DKK2: variants seen among roughly 807,000 people sequenced by gnomAD.
The protein encoded by DKK2 is dickkopf-related protein 2.
In DKK2, 11 loss-of-function variants were observed where a neutral mutation model predicts 28.1. That is an observed-to-expected ratio of 0.39 (90% confidence interval 0.25 to 0.65). The LOEUF (loss-of-function observed/expected upper bound fraction) is 0.65. Among genes scored for constraint, DKK2 ranks in the 30% least tolerant of loss-of-function variants. DKK2 has a pLI of 0.47. For missense variants in DKK2, 326 were observed against 335.5 expected (o/e 0.97, Z 0.22); for synonymous variants, 135 against 126.5 (o/e 1.07, Z -0.45).
Position 106,957,516 on chromosome 4 carries a change from A to G in DKK2, c.223-31567T>C, listed in dbSNP as rs1458748588. Among the ~76,000 whole-genome samples, 4 of 152,088 alleles carry G rather than the reference A, an allele frequency of 2.6e-5. No homozygotes were observed. In the East Asian group the frequency reaches 7.7e-4, roughly 29 times the overall value. The stretch of plus-strand genomic sequence containing the variant: ...TTGGAACCAACCCAAATGTCCAACA[A>G]TGATAGACTGGATTAAGAAAATGTG... On this transcript the variant is annotated intron_variant, in intron 1 of 3. Coordinates refer to ENST00000285311, the MANE Select transcript of DKK2 (RefSeq NM_014421.3).
At chr4:106,991,960 C>T (rs2110361971) in intron 1 of DKK2, among the ~76,000 whole-genome samples, 1 of 152,238 alleles carries the variant, frequency 6.6e-6, no homozygotes, top group Non-Finnish European at 1.5e-5. Context: ...CTCCTTTTTG[C>T]TTCCATTTTA....
At chr4:106,930,837 G>A (rs1724492279) in intron 1 of DKK2, among the ~76,000 whole-genome samples, 1 of 152,098 alleles carries the variant, frequency 6.6e-6, no homozygotes, top group Non-Finnish European at 1.5e-5. Flanking sequence ...AAAGAACTGG[G>A]GATGAGAATA....
intron 1 of DKK2, among the ~76,000 whole-genome samples, chr4:106,979,014 A>C (rs2110357282): frequency 6.6e-6 from 1 of 152,164 alleles, no homozygotes; most frequent in Non-Finnish European, 1.5e-5. Context: ...TAGGGGAAGG[A>C]GTTCCCCGAC....
intron 1 of DKK2, among the ~76,000 whole-genome samples, chr4:106,956,399 T>C (rs1722590825): frequency 6.6e-6 from 1 of 152,164 alleles, no homozygotes; most frequent in African/African-American, 2.4e-5. Context: ...TGGAAAAAAC[T>C]ACTTTCAAGT....
At chr4:106,974,726 G>A (rs1434422410) in intron 1 of DKK2, among the ~76,000 whole-genome samples, 3 of 151,828 alleles carry the variant, frequency 2.0e-5, no homozygotes, top group African/African-American at 4.8e-5. Flanking sequence ...ATTTGAATAC[G>A]TTTTATTTCT....
chr4:106,966,174 G>A (rs193235701), intron 1 of DKK2, among the ~76,000 whole-genome samples: 7 of 152,254 alleles, frequency 4.6e-5, no homozygotes, highest in East Asian at 1.9e-4. Context: ...AGGCTTGGAC[G>A]CTTGTAATAA....
At chr4:107,030,075 G>A (rs1723853052) in intron 1 of DKK2, among the ~76,000 whole-genome samples, 1 of 151,958 alleles carries the variant, frequency 6.6e-6, no homozygotes, top group Non-Finnish European at 1.5e-5. Context: ...CAATTCTGTT[G>A]TTAGTGATAC....
rs145191367 is a variant in DKK2 at position 107,018,637 on chromosome 4, C to T, written c.222+16733G>A. On this transcript the variant is annotated intron_variant, in intron 1 of 3. Coordinates refer to ENST00000285311, the MANE Select transcript of DKK2 (RefSeq NM_014421.3). ...TAAACATGTGCACATTCCAAAAATG[C>T]TCTATGGGTTGCTGGGTTTGTGACA... Among the ~76,000 whole-genome samples, 40 of 152,062 alleles carry T rather than the reference C, an allele frequency of 2.6e-4. No individual in the cohort carries two copies. The East Asian group carries it at 6.8e-3, about 26-fold the overall frequency.
At chr4:106,932,935 T>G (rs1207985443) in intron 1 of DKK2, among the ~76,000 whole-genome samples, 1 of 152,190 alleles carries the variant, frequency 6.6e-6, no homozygotes, top group African/African-American at 2.4e-5. Flanking sequence ...CAAACAAAAT[T>G]GATTGGTTGA....
Position 106,991,040 on chromosome 4 carries a change from A to T in DKK2, c.222+44330T>A, listed in dbSNP as rs577002341. On this transcript the variant is annotated intron_variant, in intron 1 of 3. Coordinates refer to ENST00000285311, the MANE Select transcript of DKK2 (RefSeq NM_014421.3). ...AAAAATTTTTGTTCTGTGAGTATAG[A>T]GCTTGTGCAAAGGAAAAATGTCCTT... Among the ~76,000 whole-genome samples, 843 of 152,302 alleles carry T rather than the reference A, an allele frequency of 5.5e-3. 6 individuals are homozygous for T. Among genetic ancestry groups the T allele is most frequent in the African/African-American group, 0.017 (720 of 41,568 alleles).
At chr4:106,978,891 G>C (rs1287521633) in intron 1 of DKK2, among the ~76,000 whole-genome samples, 1 of 152,034 alleles carries the variant, frequency 6.6e-6, no homozygotes, top group South Asian at 2.1e-4. Flanking sequence ...TGGTGGTGTA[G>C]GCACCCGAGG....
intron 1 of DKK2, among the ~76,000 whole-genome samples, chr4:107,033,960 T>C (rs1723919013): frequency 6.6e-6 from 1 of 152,106 alleles, no homozygotes; most frequent in South Asian, 2.1e-4. Context: ...CCTGAACGTA[T>C]ATGTACTTTC....
intron 1 of DKK2, among the ~76,000 whole-genome samples, chr4:106,963,095 T>C (rs1019774469): frequency 2.0e-5 from 3 of 150,984 alleles, no homozygotes; most frequent in Admixed American, 6.6e-5. Context: ...GGTTTCACGC[T>C]TGTAATCCCA....
intron 1 of DKK2, among the ~76,000 whole-genome samples, chr4:107,005,840 T>G (rs887411511): frequency 6.6e-6 from 1 of 152,232 alleles, no homozygotes; most frequent in African/African-American, 2.4e-5. Flanking sequence ...CTGCATAAGC[T>G]ACCCTACTTA....
intron 1 of DKK2, among the ~76,000 whole-genome samples, chr4:107,025,643 G>A (rs1447979024): frequency 6.6e-6 from 1 of 152,208 alleles, no homozygotes; most frequent in South Asian, 2.1e-4. Context: ...TGCCATTGCT[G>A]TGCAGACTTT....
Position 107,035,650 on chromosome 4 carries a change from G to A in DKK2, c.-59C>T, listed in dbSNP as rs1156518158. ...GCCCGGAGGGGTGGGAATGCAAAGG[G>A]AGGGAGGACCCCAACACGGGGCCCC... On this transcript the variant is annotated 5_prime_UTR_variant, in exon 1 of 4. Coordinates refer to ENST00000285311, the MANE Select transcript of DKK2 (RefSeq NM_014421.3). The A allele has an allele frequency of 6.3e-7, 1 of 1,586,748 alleles. No individual in the cohort carries two copies. Among genetic ancestry groups the A allele is most frequent in the Middle Eastern group, 2.2e-4 (1 of 4,596 alleles).
chr4:106,965,771 G>T (rs1315992912), intron 1 of DKK2, among the ~76,000 whole-genome samples: 1 of 122,846 alleles, frequency 8.1e-6, no homozygotes, highest in Non-Finnish European at 1.6e-5. Context: ...ACAGTCCCCA[G>T]AGTGTAATAT....
chr4:107,007,110 T>C (rs1217984290), intron 1 of DKK2, among the ~76,000 whole-genome samples: 2 of 152,150 alleles, frequency 1.3e-5, no homozygotes, highest in East Asian at 1.9e-4. Flanking sequence ...GCAACAATTA[T>C]AGAAAGTTTA....
chr4:107,017,888 A>G (rs1271994564), intron 1 of DKK2, among the ~76,000 whole-genome samples: 1 of 152,018 alleles, frequency 6.6e-6, no homozygotes, highest in Non-Finnish European at 1.5e-5. Context: ...GTTGCTCAAT[A>G]TTTACCAATG....
Sources: allele counts gnomAD v4.1 joint callset (sites outside exome capture counted in the v4.1 genomes callset), GRCh38; gene constraint gnomAD v4.1.1; transcripts MANE v1.5; gene names NCBI Gene and HGNC (gene_info 2026-07-23, HGNC 2026-07-21).